Variants in RBFOX3 observed in about 807,000 individuals in gnomAD.
RBFOX3 encodes the protein RNA binding protein fox-1 homolog 3.
Under a neutral mutation model 48.7 loss-of-function variants are expected in RBFOX3, and 17 were observed. That is an observed-to-expected ratio of 0.35 (90% CI 0.24 to 0.52). The LOEUF is 0.52. RBFOX3 is among the 20% of genes least tolerant of loss of function. RBFOX3 has a pLI of 0.94. For missense variants in RBFOX3, 382 were observed against 497.5 expected, an observed-to-expected ratio of 0.77 and a Z score of 2.21; for synonymous variants, 212 against 209.5, an observed-to-expected ratio of 1.01 and a Z score of -0.10.
intron 4 of RBFOX3, among the ~76,000 whole-genome samples, chr17:79,126,892 G>A (rs868626649): frequency 2.3e-4 from 35 of 152,244 alleles, no homozygotes; most frequent in African/African-American, 7.9e-4. Flanking sequence ...CTGCCTTCTG[G>A]AAACTTCCAC....
rs4789880 is a variant in RBFOX3, at chr17:79,284,026, T to C, written c.-74+23698A>G. Among the ~76,000 whole-genome samples, 67 of 25,536 alleles carry C rather than the reference T, an allele frequency of 2.6e-3. 1 individual carries two copies. The highest frequency in any genetic ancestry group is 6.5e-3 in the African/African-American group (35 of 5,354). The allele number at this position is 25,536 out of a possible 152,430, so 16.8% of individuals were successfully genotyped here. A position where few individuals can be genotyped will look rare whatever the true frequency, so the allele number is the denominator to read the frequency against. The stretch of plus-strand genomic sequence containing the variant: ...ATGGAGATGCCTTCTCCAGGACCAT[T>C]GTAACATTTGCCTGTTTCAGTACTT... On this transcript the variant is annotated intron_variant, in intron 3 of 14. Coordinates refer to ENST00000693108, the MANE Select transcript of RBFOX3 (RefSeq NM_001350451.2).
chr17:79,149,286 G>C (rs373801617), intron 4 of RBFOX3, among the ~76,000 whole-genome samples: 1 of 152,196 alleles, frequency 6.6e-6, no homozygotes, highest in South Asian at 2.1e-4. Context: ...GCAGCATCTC[G>C]GGACCCCTCC....
the RBFOX3 span, among the ~76,000 whole-genome samples, chr17:79,640,868 G>GA: frequency 1.3e-5 from 2 of 151,974 alleles, no homozygotes; most frequent in South Asian, 2.1e-4. Context: ...AAAACATAGG[G>GA]AAAAAAACTT....
intron 4 of RBFOX3, among the ~76,000 whole-genome samples, chr17:79,174,366 C>A (rs1202074750): frequency 6.6e-6 from 1 of 151,594 alleles, no homozygotes; most frequent in African/African-American, 2.4e-5. Flanking sequence ...CACACAGACA[C>A]ATGCGCACAC....
In RBFOX3 at chr17:79,097,200, C is replaced by G. The variant is rs1043930221; in HGVS notation, c.755+92G>C. ...CCCCCCCCCAGGTCTGGAAAGGCTGCCTAGCCCCTCGCACTGCGCAGGGCC... is the reference window on the plus strand; with the variant it reads ...CCCCCCCCCAGGTCTGGAAAGGCTGGCTAGCCCCTCGCACTGCGCAGGGCC... On this transcript the variant is annotated intron_variant, in intron 11 of 14. Transcript: ENST00000693108. The G allele has an allele frequency of 6.6e-6, 7 of 1,059,364 alleles. No homozygotes were observed. In the Admixed American group the frequency reaches 9.5e-5, roughly 14 times the overall value. 65.6% of individuals were successfully genotyped at this position (1,059,364 alleles called of 1,614,324 possible). A position where few individuals can be genotyped will look rare whatever the true frequency, so the allele number is the denominator to read the frequency against.
At chr17:79,450,125 C>A (rs12451718) in intron 2 of RBFOX3, among the ~76,000 whole-genome samples, 1 of 152,098 alleles carries the variant, frequency 6.6e-6, no homozygotes, top group Non-Finnish European at 1.5e-5. Context: ...GAAACAGAAG[C>A]CATGTGTGTG....
At chr17:79,338,322 C>G (rs1272115449) in intron 2 of RBFOX3, among the ~76,000 whole-genome samples, 3 of 152,126 alleles carry the variant, frequency 2.0e-5, no homozygotes, top group Admixed American at 2.0e-4. Flanking sequence ...GGTGGGAACA[C>G]AGACTGGGGC....
At chr17:79,620,495 G>A in the RBFOX3 span, among the ~76,000 whole-genome samples, 7,991 of 130,922 alleles carry the variant, frequency 0.061, 710 homozygotes, top group African/African-American at 0.26. Context: ...GTGCACACAC[G>A]CGCACACACA....
At chr17:79,201,761 C>T (rs1241459726) in intron 4 of RBFOX3, among the ~76,000 whole-genome samples, 2 of 152,214 alleles carry the variant, frequency 1.3e-5, no homozygotes, top group East Asian at 1.9e-4. Context: ...CACCCCCTGC[C>T]TTCTCTGTCT....
the RBFOX3 span, among the ~76,000 whole-genome samples, chr17:79,625,160 C>T: frequency 6.6e-6 from 1 of 152,160 alleles, no homozygotes; most frequent in African/African-American, 2.4e-5. Flanking sequence ...TCCTCCTCCT[C>T]CCTCTCCCTG....
chr17:79,594,939 G>T (rs2093529053), intron 1 of RBFOX3, among the ~76,000 whole-genome samples: 1 of 152,058 alleles, frequency 6.6e-6, no homozygotes, highest in South Asian at 2.1e-4. Context: ...TCCCCTGTGG[G>T]TGCCACACAG....
At chr17:79,335,141 C>G (rs933433488) in intron 2 of RBFOX3, among the ~76,000 whole-genome samples, 1 of 138,940 alleles carries the variant, frequency 7.2e-6, no homozygotes, top group Non-Finnish European at 1.6e-5. Context: ...CCTGTGTAGA[C>G]GAGGCTGCCA....
At chr17:79,449,551 A>G (rs1048991505) in intron 2 of RBFOX3, among the ~76,000 whole-genome samples, 6 of 151,980 alleles carry the variant, frequency 3.9e-5, no homozygotes, top group East Asian at 3.9e-4. Context: ...ATAATTGCCA[A>G]TTAAGGTCAG....
intron 2 of RBFOX3, among the ~76,000 whole-genome samples, chr17:79,335,098 G>A (rs1370276851): frequency 1.3e-5 from 2 of 152,246 alleles, no homozygotes; most frequent in African/African-American, 2.4e-5. Flanking sequence ...CTGCATCCAG[G>A]TGCTTCATTA....
intron 3 of RBFOX3, among the ~76,000 whole-genome samples, chr17:79,239,300 G>A (rs4789965): frequency 0.23 from 35,553 of 152,092 alleles, 4,837 homozygotes; most frequent in Middle Eastern, 0.33. Flanking sequence ...TCCCACGGGC[G>A]TGCTCCCAGG....
chr17:79,460,098 C>T (rs774858931), intron 2 of RBFOX3, among the ~76,000 whole-genome samples: 12 of 152,044 alleles, frequency 7.9e-5, no homozygotes, highest in Admixed American at 2.0e-4. Context: ...CCAAGGGCTA[C>T]GGGAGGGGAT....
intron 3 of RBFOX3, among the ~76,000 whole-genome samples, chr17:79,280,170 C>CA (rs779617119): frequency 7.1e-6 from 1 of 141,142 alleles, no homozygotes; most frequent in Non-Finnish European, 1.6e-5. Flanking sequence ...CACGCACACA[C>CA]CACTCACACA....
intron 2 of RBFOX3, among the ~76,000 whole-genome samples, chr17:79,341,872 T>C (rs537958129): frequency 2.2e-4 from 33 of 152,336 alleles, no homozygotes; most frequent in African/African-American, 7.2e-4. Context: ...TGGCTCCTAA[T>C]AGATGGAAAT....
chr17:79,155,678 G>C (rs1568243183), intron 4 of RBFOX3, among the ~76,000 whole-genome samples: 1 of 152,078 alleles, frequency 6.6e-6, no homozygotes, highest in African/African-American at 2.4e-5. Context: ...CCAACTCTCT[G>C]ACCAGGGTGG....
Sources: allele counts gnomAD v4.1 joint callset (sites outside exome capture counted in the v4.1 genomes callset), GRCh38; gene constraint gnomAD v4.1.1; transcripts MANE v1.5; gene names NCBI Gene and HGNC (gene_info 2026-07-23, HGNC 2026-07-21).